GARIN5B: variants seen among roughly 807,000 people sequenced by gnomAD.
GARIN5B encodes golgi associated RAB2 interactor family member 5B.
At chr19:55,358,013 C>T in the GARIN5B span, 1 of 1,045,176 alleles carries the variant, frequency 9.6e-7, no homozygotes, top group Non-Finnish European at 1.3e-6. Context: ...AAGATCATAC[C>T]ACCGCACTCC....
At chr19:55,361,546 C>A in the GARIN5B span, 64 of 1,134,418 alleles carry the variant, frequency 5.6e-5, no homozygotes, top group Non-Finnish European at 4.7e-5. Flanking sequence ...CCAGCTCCTC[C>A]TGCCTCAGAC....
chr19:55,362,589 G>C, the GARIN5B span: 1 of 1,542,650 alleles, frequency 6.5e-7, no homozygotes, highest in Non-Finnish European at 8.8e-7. Flanking sequence ...TGGTCAGCAC[G>C]AGGCCGGAGC....
chr19:55,358,354 T>C, the GARIN5B span: 31 of 1,523,524 alleles, frequency 2.0e-5, no homozygotes, highest in Middle Eastern at 1.7e-4. Flanking sequence ...CCTCCATCTT[T>C]GAGATGAGGG....
the GARIN5B span, chr19:55,363,159 T>C: frequency 7.8e-7 from 1 of 1,279,578 alleles, no homozygotes; most frequent in Non-Finnish European, 1.0e-6. This position sits in a 1 kb window ranked among gnomAD's most constrained non-coding sequence, Gnocchi z 4.0. Context: ...CCCGTGGGGC[T>C]TCACGGGTGC....
At chr19:55,359,182 G>A in the GARIN5B span, 17 of 1,551,322 alleles carry the variant, frequency 1.1e-5, no homozygotes, top group Middle Eastern at 1.7e-4. Flanking sequence ...CGTCAAAATC[G>A]CCAGGGAGCT....
chr19:55,359,509 T>G, the GARIN5B span: 2 of 1,550,998 alleles, frequency 1.3e-6, no homozygotes, highest in East Asian at 4.9e-5. Context: ...CAGGTACAGC[T>G]GGGGCCTTCC....
At chr19:55,359,693 T>C in the GARIN5B span, 1 of 1,551,490 alleles carries the variant, frequency 6.4e-7, no homozygotes, top group Non-Finnish European at 8.7e-7. Flanking sequence ...CCCCGGCCCC[T>C]GGTGGGAGCC....
At chr19:55,362,592 GC>G in the GARIN5B span, 12 of 1,544,204 alleles carry the variant, frequency 7.8e-6, no homozygotes, top group African/African-American at 1.6e-4. Flanking sequence ...TCAGCACGAG[GC>G]CGGAGCAGTC....
the GARIN5B span, chr19:55,360,563 C>T: frequency 8.7e-7 from 1 of 1,156,046 alleles, no homozygotes; most frequent in Non-Finnish European, 1.2e-6. Flanking sequence ...GTCCAGGCCC[C>T]CCACCCCTCC....
chr19:55,356,256 G>T, the GARIN5B span, among the ~76,000 whole-genome samples: 4 of 152,084 alleles, frequency 2.6e-5, no homozygotes, highest in Admixed American at 1.3e-4. Context: ...TATTGCCCAG[G>T]CTGCAGTGCA....
At chr19:55,362,762 C>T in the GARIN5B span, 1 of 1,512,016 alleles carries the variant, frequency 6.6e-7, no homozygotes, top group Non-Finnish European at 8.9e-7. Context: ...GGGGCTGGGA[C>T]CACTCCTTCC....
At chr19:55,360,083 AG>A in the GARIN5B span, 3 of 985,848 alleles carry the variant, frequency 3.0e-6, no homozygotes, top group Non-Finnish European at 4.4e-6. Flanking sequence ...TCAGGAGTCC[AG>A]GCCCCAGCCC....
At chr19:55,358,285 T>A in the GARIN5B span, 3 of 1,550,618 alleles carry the variant, frequency 1.9e-6, no homozygotes, top group Non-Finnish European at 2.6e-6. Context: ...GGTGCTGGGC[T>A]GGCATCCTCA....
At chr19:55,358,027 C>T in the GARIN5B span, 1 of 1,184,736 alleles carries the variant, frequency 8.4e-7, no homozygotes, top group South Asian at 2.5e-5. Context: ...GCACTCCAGC[C>T]TGGGTGACAG....
the GARIN5B span, among the ~76,000 whole-genome samples, chr19:55,361,913 C>G: frequency 0.33 from 36,563 of 109,980 alleles, 7,632 homozygotes; most frequent in African/African-American, 0.47. Context: ...TCCGTCAGAC[C>G]CAGGAGTCCA....
At chr19:55,356,067 A>G in the GARIN5B span, among the ~76,000 whole-genome samples, 1 of 152,030 alleles carries the variant, frequency 6.6e-6, no homozygotes, top group African/African-American at 2.4e-5. Context: ...AAAGGCTGCC[A>G]TGAGCCACGA....
the GARIN5B span, chr19:55,362,327 G>A: frequency 1.3e-6 from 2 of 1,550,474 alleles, no homozygotes; most frequent in Non-Finnish European, 1.7e-6. Flanking sequence ...GGTCCAGGTG[G>A]GAGCCGGCTC....
At chr19:55,359,935 C>G in the GARIN5B span, 2,584 of 1,550,960 alleles carry the variant, frequency 1.7e-3, 6 homozygotes, top group Non-Finnish European at 2.1e-3. Context: ...GGCTCTCAAC[C>G]ACATGTCCCT....
the GARIN5B span, chr19:55,362,696 T>C: frequency 1.9e-6 from 3 of 1,541,792 alleles, no homozygotes; most frequent in East Asian, 7.4e-5. Context: ...CGGTTGGTTC[T>C]GTGATTCACG....
Sources: allele counts gnomAD v4.1 joint callset (sites outside exome capture counted in the v4.1 genomes callset), GRCh38; gene constraint gnomAD v4.1.1; non-coding constraint Gnocchi (gnomAD v3.1); transcripts MANE v1.5; gene names NCBI Gene and HGNC (gene_info 2026-07-23, HGNC 2026-07-21).